The following CDK8 variants were observed in gnomAD, a reference collection of about 807,000 sequenced individuals.
The protein encoded by CDK8 is cyclin-dependent kinase 8.
A neutral mutation model predicts 71.5 loss-of-function variants in CDK8; 29 were observed. The ratio of observed to expected loss-of-function variants is 0.41; its 90% confidence interval spans 0.30 to 0.55. The LOEUF (loss-of-function observed/expected upper bound fraction) is 0.55. CDK8 is among the 20% of genes least tolerant of loss of function. The pLI, the probability that CDK8 is intolerant of heterozygous loss-of-function variation, is 0.37. For missense variants in CDK8, 288 were observed against 572.6 expected (o/e 0.50, Z 5.07); for synonymous variants, 161 against 192.1 (o/e 0.84, Z 1.34).
intron 7 of CDK8, 106 bp from the exon 8 acceptor site, chr13:26,396,179 G>A (rs1875983223): frequency 2.3e-6 from 1 of 426,234 alleles, no homozygotes; most frequent in Non-Finnish European, 4.3e-6. Context: ...TTTTTTGTGT[G>A]GAGGTTGAAC....
At chr13:26,285,617 A>T (rs939845080) in intron 1 of CDK8, among the ~76,000 whole-genome samples, 9 of 152,212 alleles carry the variant, frequency 5.9e-5, no homozygotes, top group African/African-American at 2.2e-4. Context: ...CTTCCATTCG[A>T]CATTGTACTA....
At chr13:26,333,056 T>C (rs989775590) in intron 1 of CDK8, among the ~76,000 whole-genome samples, 1 of 152,178 alleles carries the variant, frequency 6.6e-6, no homozygotes, top group Non-Finnish European at 1.5e-5. Flanking sequence ...TTCTGCGTCC[T>C]CAAGGGAGAA....
chr13:26,263,569 G>A (rs1231305406), intron 1 of CDK8, among the ~76,000 whole-genome samples: 1 of 152,078 alleles, frequency 6.6e-6, no homozygotes, highest in Non-Finnish European at 1.5e-5. Context: ...AGCCTGCCGA[G>A]TAGCTGAGAT....
At chr13:26,336,738 T>C (rs1159882847) in intron 1 of CDK8, among the ~76,000 whole-genome samples, 2 of 151,996 alleles carry the variant, frequency 1.3e-5, no homozygotes, top group Non-Finnish European at 2.9e-5. Flanking sequence ...GTATTTTTAG[T>C]AGAGACAGGG....
chr13:26,396,734 A>G (rs1444549936), intron 8 of CDK8, among the ~76,000 whole-genome samples: 1 of 152,156 alleles, frequency 6.6e-6, no homozygotes, highest in Non-Finnish European at 1.5e-5. Context: ...GCAGGTTTTA[A>G]CAGAGAAGAA....
At chr13:26,289,348 C>T (rs1037507072) in intron 1 of CDK8, among the ~76,000 whole-genome samples, 7 of 152,044 alleles carry the variant, frequency 4.6e-5, no homozygotes, top group Non-Finnish European at 7.4e-5. Context: ...CCACTGCGCC[C>T]GGCCAGCTTC....
intron 6 of CDK8, among the ~76,000 whole-genome samples, chr13:26,385,640 G>C (rs1291865606): frequency 6.6e-6 from 1 of 152,162 alleles, no homozygotes; most frequent in African/African-American, 2.4e-5. Context: ...GGGAGGCTGA[G>C]CTGGGAGGAT....
intron 9 of CDK8, among the ~76,000 whole-genome samples, chr13:26,397,974 A>C (rs1189487399): frequency 6.6e-6 from 1 of 152,142 alleles, no homozygotes; most frequent in Non-Finnish European, 1.5e-5. Context: ...CTTATTCCTA[A>C]GTTCTTAAAT....
chr13:26,343,410 G>A (rs963938250), intron 2 of CDK8, among the ~76,000 whole-genome samples: 8 of 152,064 alleles, frequency 5.3e-5, no homozygotes, highest in Admixed American at 2.0e-4. Flanking sequence ...GTAAAAATAC[G>A]GAATAAATGA....
In CDK8 at chr13:26,396,348, G is replaced by C; in HGVS notation, c.854G>C (p.Arg285Thr). The C allele has an allele frequency of 6.9e-7, 1 of 1,448,794 alleles. No individual in the cohort carries two copies. Among genetic ancestry groups the C allele is most frequent in the Non-Finnish European group, 9.5e-7 (1 of 1,057,726 alleles). 89.7% of individuals were successfully genotyped at this position (1,448,794 alleles called of 1,614,324 possible). ...TCAACATTAATGAAAGATTTCAGAA[G>C]AAATACGTAAGTTGGAAAAAAAGAG... Reference protein sequence around the residue: ...EHSTLMKDFRRNTYTNCSLIK... With the variant: ...EHSTLMKDFRTNTYTNCSLIK... The change falls in exon 8 of 13, where the codon AGA (arginine) becomes ACA (threonine). Residue 285 changes from arginine (R) to threonine (T), a missense_variant. Around this residue, in one of 6 missense-constraint regions of CDK8, gnomAD observed 96 missense variants for 229.8 expected, o/e 0.42. Coordinates refer to ENST00000381527, the MANE Select transcript of CDK8 (RefSeq NM_001260.3).
chr13:26,361,697 C>T (rs1450052223), intron 4 of CDK8, among the ~76,000 whole-genome samples: 2 of 149,774 alleles, frequency 1.3e-5, no homozygotes, highest in East Asian at 2.0e-4. Context: ...AGTTGGAGAT[C>T]ATCTCTAATT....
chr13:26,404,683 A>G lies in CDK8; in HGVS notation c.*602A>G, dbSNP rs1315612438. 1.3e-5 allele frequency: 3 copies of G among 229,092 alleles called. No individual in the cohort carries two copies. Among genetic ancestry groups the G allele is most frequent in the Admixed American group, 5.7e-5 (1 of 17,628 alleles). 14.2% of individuals were successfully genotyped at this position (229,092 alleles called of 1,614,324 possible). On this transcript the variant is annotated 3_prime_UTR_variant, in exon 13 of 13. Transcript: ENST00000381527. ...CAAAAAGCCACATAGTTTTTCCAGA[A>G]AGGTTTCAAAACTCCCAAAGATTAA...
intron 1 of CDK8, among the ~76,000 whole-genome samples, chr13:26,302,655 A>C (rs1355427918): frequency 1.3e-5 from 2 of 152,234 alleles, no homozygotes; most frequent in Non-Finnish European, 2.9e-5. Context: ...TAGATGGACA[A>C]GTCTGGAGAC....
Position 26,376,338 on chromosome 13 carries a change from C to G in CDK8, c.457-6476C>G, listed in dbSNP as rs554798189. 1.5e-4 allele frequency among the ~76,000 whole-genome samples: 23 copies of G among 152,240 alleles called. No homozygotes were observed. In the South Asian group the frequency reaches 4.8e-3, roughly 32 times the overall value. On this transcript the variant is annotated intron_variant, in intron 4 of 12. Coordinates refer to ENST00000381527, the MANE Select transcript of CDK8 (RefSeq NM_001260.3). ...TGCATTTGGTCTCCTTGATGTTATT[C>G]AGCCTTCTAGTCTTCAGCTTAGTTA...
At chr13:26,309,361 G>A (rs1322563797) in intron 1 of CDK8, among the ~76,000 whole-genome samples, 1 of 151,974 alleles carries the variant, frequency 6.6e-6, no homozygotes, top group African/African-American at 2.4e-5. Context: ...GGATGGTCTC[G>A]ATCTCCTGAC....
chr13:26,377,332 C>A (rs1262533321), intron 4 of CDK8, among the ~76,000 whole-genome samples: 1 of 152,188 alleles, frequency 6.6e-6, no homozygotes, highest in Non-Finnish European at 1.5e-5. Context: ...TTTATCTCAC[C>A]CATTTAGCCT....
intron 2 of CDK8, among the ~76,000 whole-genome samples, chr13:26,338,665 A>G (rs1318071662): frequency 6.6e-6 from 1 of 152,104 alleles, no homozygotes; most frequent in Non-Finnish European, 1.5e-5. Flanking sequence ...AGTTCATTTA[A>G]TTGATACTTT....
chr13:26,364,116 A>G (rs1874270891), intron 4 of CDK8, among the ~76,000 whole-genome samples: 3 of 152,216 alleles, frequency 2.0e-5, no homozygotes, highest in Admixed American at 2.0e-4. Context: ...CATTATGGTT[A>G]TTCAGAGAAC....
At chr13:26,292,674 G>A (rs577231951) in intron 1 of CDK8, among the ~76,000 whole-genome samples, 1 of 152,192 alleles carries the variant, frequency 6.6e-6, no homozygotes, top group African/African-American at 2.4e-5. Context: ...GTTACTAAAA[G>A]GAGGAAGAGA....
Sources: gnomAD v4.1 joint callset for allele counts (sites outside exome capture counted in the v4.1 genomes callset) on GRCh38, gnomAD v4.1.1 for gene constraint, gnomAD v4.1.1 regional missense constraint, MANE v1.5 for transcripts, NCBI Gene and HGNC (gene_info 2026-07-23, HGNC 2026-07-21) for gene names.